AGBL4: variants seen among roughly 807,000 people sequenced by gnomAD.
AGBL4 encodes cytosolic carboxypeptidase 6.
A neutral mutation model predicts 66.4 loss-of-function variants in AGBL4; 58 were observed. That is an observed-to-expected ratio of 0.87 (90% confidence interval 0.71 to 1.09). The LOEUF (loss-of-function observed/expected upper bound fraction) is 1.09, where lower values mean the gene tolerates loss of function less well. Ranked by LOEUF, AGBL4 falls within the 50% of genes least tolerant of loss-of-function variation. The probability of loss-of-function intolerance (pLI) is 0.00; values close to 1 mark genes in which losing one functional copy is unlikely to be tolerated. For synonymous variants in AGBL4, 234 were observed against 222.9 expected, an observed-to-expected ratio of 1.05 and a Z score of -0.44; for missense variants, 579 against 631.0, an observed-to-expected ratio of 0.92 and a Z score of 0.88.
intron 3 of AGBL4, among the ~76,000 whole-genome samples, chr1:49,578,199 G>C (rs1644473131): frequency 6.6e-6 from 1 of 152,202 alleles, no homozygotes; most frequent in Admixed American, 6.5e-5. Flanking sequence ...TGGGGTGGTT[G>C]ACCCGGACTA....
At chr1:49,201,732 G>T (rs746664062) in intron 4 of AGBL4, among the ~76,000 whole-genome samples, 14 of 152,086 alleles carry the variant, frequency 9.2e-5, no homozygotes, top group Non-Finnish European at 1.8e-4. Flanking sequence ...GTATAAAGTT[G>T]AATCTAATTT....
At chr1:49,014,301 A>G (rs1662658437) in intron 5 of AGBL4, among the ~76,000 whole-genome samples, 1 of 152,240 alleles carries the variant, frequency 6.6e-6, no homozygotes, top group Admixed American at 6.5e-5. Context: ...CAGGCAGAGG[A>G]AAGAGCAATA....
chr1:48,810,102 TACTCATTC>T (rs1338362879), intron 6 of AGBL4, among the ~76,000 whole-genome samples: 2 of 152,206 alleles, frequency 1.3e-5, no homozygotes, highest in Non-Finnish European at 2.9e-5. Flanking sequence ...ACTACTCATT[TACTCATTC>T]ACTCATTCAC....
intron 1 of AGBL4, among the ~76,000 whole-genome samples, chr1:49,942,146 A>G (rs1028238225): frequency 7.2e-5 from 11 of 152,144 alleles, no homozygotes; most frequent in Admixed American, 3.9e-4. Flanking sequence ...AGTAAATAAC[A>G]TATTTGTACA....
chr1:49,231,174 C>T (rs1244623116), intron 4 of AGBL4, among the ~76,000 whole-genome samples: 1 of 152,028 alleles, frequency 6.6e-6, no homozygotes, highest in African/African-American at 2.4e-5. Context: ...ATTATTGGTT[C>T]CATTTTATAT....
At chr1:49,254,459 G>A (rs763727066) in intron 3 of AGBL4, among the ~76,000 whole-genome samples, 3 of 152,080 alleles carry the variant, frequency 2.0e-5, no homozygotes, top group Admixed American at 6.6e-5. Context: ...GCTAACAAGG[G>A]AGGTGAAAGA....
intron 4 of AGBL4, among the ~76,000 whole-genome samples, chr1:49,066,216 T>C (rs1481974205): frequency 6.6e-6 from 1 of 152,172 alleles, no homozygotes; most frequent in African/African-American, 2.4e-5. Context: ...GTGGTTCCTG[T>C]TCTTCTGGGC....
At chr1:49,774,332 G>A (rs1276004906) in intron 2 of AGBL4, among the ~76,000 whole-genome samples, 1 of 152,194 alleles carries the variant, frequency 6.6e-6, no homozygotes, top group African/African-American at 2.4e-5. Flanking sequence ...TAGTGTGGCA[G>A]AGGCAGGATG....
intron 3 of AGBL4, among the ~76,000 whole-genome samples, chr1:49,341,245 A>G (rs1234068607): frequency 6.6e-6 from 1 of 152,160 alleles, no homozygotes; most frequent in Admixed American, 6.5e-5. Flanking sequence ...TTCCAGTAAC[A>G]TATTCCATGA....
At chr1:48,776,677 T>A in intron 6 of AGBL4, 1 of 1,506,540 alleles carries the variant, frequency 6.6e-7, no homozygotes, top group East Asian at 2.8e-5. Context: ...CGGGGGGCTC[T>A]CGGGCCCGGC....
At chr1:49,524,229 G>A (rs149397365) in intron 3 of AGBL4, among the ~76,000 whole-genome samples, 1 of 152,080 alleles carries the variant, frequency 6.6e-6, no homozygotes, top group African/African-American at 2.4e-5. Context: ...TACTTTCTAT[G>A]TACCAGATTC....
intron 6 of AGBL4, among the ~76,000 whole-genome samples, chr1:48,804,537 C>G (rs1158973255): frequency 1.3e-5 from 2 of 152,186 alleles, no homozygotes; most frequent in Non-Finnish European, 2.9e-5. Context: ...TGCCTCTCTC[C>G]CCCAACACTG....
chr1:49,347,796 G>T (rs1198749591), intron 3 of AGBL4, among the ~76,000 whole-genome samples: 1 of 151,380 alleles, frequency 6.6e-6, no homozygotes, highest in Non-Finnish European at 1.5e-5. Flanking sequence ...GGAGGCAGAC[G>T]TTGCAGTGAG....
At chr1:49,916,968 T>A (rs561892046) in intron 1 of AGBL4, among the ~76,000 whole-genome samples, 7 of 152,206 alleles carry the variant, frequency 4.6e-5, no homozygotes, top group African/African-American at 1.7e-4. Context: ...CCTAGAATTT[T>A]TATCCACCCA....
At chr1:49,846,336 A>T in intron 2 of AGBL4, 1 of 1,531,366 alleles carries the variant, frequency 6.5e-7, no homozygotes, top group South Asian at 1.1e-5. Flanking sequence ...GCATGCAGGG[A>T]CTATGGAAAG....
chr1:49,761,523 T>G (rs2147862655), intron 2 of AGBL4, among the ~76,000 whole-genome samples: 1 of 152,354 alleles, frequency 6.6e-6, no homozygotes, highest in East Asian at 1.9e-4. Flanking sequence ...TCTTCCCTTT[T>G]TGGCATCCCA....
chr1:48,588,909 A>G (rs12074072), intron 10 of AGBL4, among the ~76,000 whole-genome samples: 12,750 of 151,736 alleles, frequency 0.084, 640 homozygotes, highest in South Asian at 0.15. Context: ...CTTGACTCCC[A>G]CCCTTAAGGA....
chr1:48,673,996 T>TG (rs1287704814), intron 6 of AGBL4, among the ~76,000 whole-genome samples: 1 of 152,196 alleles, frequency 6.6e-6, no homozygotes, highest in African/African-American at 2.4e-5. Context: ...CTCCCAGTCC[T>TG]GCAGCGGCTT....
At chr1:49,622,654 A>AAAAAAAAAAG (rs397980152) in intron 3 of AGBL4, among the ~76,000 whole-genome samples, 1 of 136,216 alleles carries the variant, frequency 7.3e-6, no homozygotes, top group East Asian at 2.0e-4. Flanking sequence ...AAAAAAAAAA[A>AAAAAAAAAAG]GAAAAATGGG....
Sources: gnomAD v4.1 joint callset for allele counts (sites outside exome capture counted in the v4.1 genomes callset) on GRCh38, gnomAD v4.1.1 for gene constraint, MANE v1.5 for transcripts, NCBI Gene and HGNC (gene_info 2026-07-23, HGNC 2026-07-21) for gene names.